The following NFATC1 variants were observed in gnomAD, a reference collection of about 807,000 sequenced individuals.
NFATC1 encodes nuclear factor of activated T-cells, cytoplasmic 1.
In NFATC1, 22 loss-of-function variants were observed where a neutral mutation model predicts 76.0. That is an observed-to-expected ratio of 0.29 (90% CI 0.21 to 0.41). The LOEUF (loss-of-function observed/expected upper bound fraction) is 0.41, where lower values mean the gene tolerates loss of function less well. Ranked by LOEUF, NFATC1 falls within the 10% of genes least tolerant of loss-of-function variation. NFATC1 has a pLI of 1.00. For synonymous variants in NFATC1, 704 were observed against 613.1 expected (o/e 1.15, Z -2.19); for missense variants, 1,357 against 1,337.7 (o/e 1.01, Z -0.23).
Position 79,396,192 on chromosome 18 carries a change from C to A in NFATC1, c.-33C>A. The A allele has an allele frequency of 2.1e-6, 3 of 1,449,050 alleles. 1 individual carries two copies. The South Asian group carries it at 3.9e-5, about 19-fold the overall frequency. 89.8% of individuals were successfully genotyped at this position (1,449,050 alleles called of 1,614,324 possible). ...GGCGGCCGCTTCTCCTGTGCCTCCG[C>A]CCGCCGCTCCACTCCCCGCCGCCGC... On this transcript the variant is annotated 5_prime_UTR_variant, in exon 1 of 10. Coordinates refer to ENST00000427363, the MANE Select transcript of NFATC1 (RefSeq NM_001278669.2).
chr18:79,463,571 T>G (rs976340370), intron 7 of NFATC1, among the ~76,000 whole-genome samples: 16 of 152,264 alleles, frequency 1.1e-4, no homozygotes, highest in African/African-American at 3.9e-4. Flanking sequence ...CGTTTGCAAC[T>G]GCCCAGGGGG....
chr18:79,443,902 TC>T (rs1479595386), intron 3 of NFATC1, among the ~76,000 whole-genome samples: 2 of 152,184 alleles, frequency 1.3e-5, no homozygotes, highest in Non-Finnish European at 2.9e-5. Flanking sequence ...GTACCTGGTG[TC>T]CCTGCCTGCC....
intron 9 of NFATC1, among the ~76,000 whole-genome samples, chr18:79,517,650 C>T (rs1248495066): frequency 6.6e-6 from 1 of 152,210 alleles, no homozygotes; most frequent in Non-Finnish European, 1.5e-5. Context: ...AGGAGCAGTC[C>T]TGCAGGACGT....
At chr18:79,481,625 T>C (rs1395963407) in intron 8 of NFATC1, among the ~76,000 whole-genome samples, 2 of 152,236 alleles carry the variant, frequency 1.3e-5, no homozygotes, top group Non-Finnish European at 2.9e-5. Context: ...TGCCAAGGCC[T>C]GTGCACCTTC....
rs956958740 is a variant in NFATC1 at position 79,438,504 on chromosome 18, C to A, written c.1386+4766C>A. 3.9e-5 allele frequency among the ~76,000 whole-genome samples: 6 copies of A among 152,348 alleles called. No individual in the cohort carries two copies. The East Asian group carries it at 1.2e-3, about 29-fold the overall frequency. On this transcript the variant is annotated intron_variant, in intron 3 of 9. Transcript: ENST00000427363. ...TCTGTTTACCAAGTCACCAAAATAACCTGCCCGATAGCATCTCACCCATCA... is the reference window on the plus strand; with the variant it reads ...TCTGTTTACCAAGTCACCAAAATAAACTGCCCGATAGCATCTCACCCATCA...
At chr18:79,415,712 A>C (rs2085854392) in intron 2 of NFATC1, among the ~76,000 whole-genome samples, 1 of 152,218 alleles carries the variant, frequency 6.6e-6, no homozygotes, top group Non-Finnish European at 1.5e-5. Flanking sequence ...GTTTACTTAG[A>C]GTCCGCTTGG....
chr18:79,396,703 AG>A (rs1257105936), intron 1 of NFATC1, among the ~76,000 whole-genome samples: 1 of 152,140 alleles, frequency 6.6e-6, no homozygotes, highest in East Asian at 1.9e-4. Flanking sequence ...GGAGGGAGGA[AG>A]GGAGGCTTCC....
intron 9 of NFATC1, among the ~76,000 whole-genome samples, chr18:79,514,101 G>A (rs951264494): frequency 2.0e-5 from 3 of 152,118 alleles, no homozygotes; most frequent in Admixed American, 1.3e-4. Flanking sequence ...AGGTGTGGCC[G>A]CAGGGATTGG....
intron 2 of NFATC1, among the ~76,000 whole-genome samples, chr18:79,425,017 C>G (rs997192765): frequency 1.3e-5 from 2 of 151,572 alleles, no homozygotes; most frequent in African/African-American, 4.9e-5. Context: ...GTCTCTCTCT[C>G]TGTCTCCATC....
chr18:79,476,406 T>A (rs1362537706), intron 8 of NFATC1, among the ~76,000 whole-genome samples: 2 of 152,254 alleles, frequency 1.3e-5, no homozygotes, highest in Non-Finnish European at 2.9e-5. Context: ...CCGATGTGTT[T>A]TGGCTTGTGT....
At chr18:79,436,211 A>C (rs1226485888) in intron 3 of NFATC1, among the ~76,000 whole-genome samples, 1 of 152,214 alleles carries the variant, frequency 6.6e-6, no homozygotes, top group Non-Finnish European at 1.5e-5. Flanking sequence ...CCCGCTTTTC[A>C]GAAACGAGGC....
intron 2 of NFATC1, among the ~76,000 whole-genome samples, chr18:79,414,535 G>C (rs971415050): frequency 1.3e-5 from 2 of 152,190 alleles, no homozygotes; most frequent in African/African-American, 4.8e-5. Flanking sequence ...GAACGATACT[G>C]AATTCTTGCT....
chr18:79,460,502 C>G lies in NFATC1; in HGVS notation c.1904-809C>G, dbSNP rs536976081. Among the ~76,000 whole-genome samples, 11 of 152,354 alleles carry G rather than the reference C, an allele frequency of 7.2e-5. No individual in the cohort carries two copies. In the South Asian group the frequency reaches 2.3e-3, roughly 32 times the overall value. The stretch of plus-strand genomic sequence containing the variant: ...CTTGTCCGTGTGCGCCTGGAGCCCC[C>G]ACTCTGCCAGGCCTGGAGCAGAGAG... On this transcript the variant is annotated intron_variant, in intron 6 of 9. Coordinates refer to ENST00000427363, the MANE Select transcript of NFATC1 (RefSeq NM_001278669.2).
chr18:79,449,697 C>T (rs1366868921), intron 4 of NFATC1, among the ~76,000 whole-genome samples: 1 of 152,140 alleles, frequency 6.6e-6, no homozygotes, highest in Non-Finnish European at 1.5e-5. Context: ...CGGCGTCCTG[C>T]GAGGGTGACC....
chr18:79,507,178 C>T (rs545164631), intron 9 of NFATC1, among the ~76,000 whole-genome samples: 3 of 152,392 alleles, frequency 2.0e-5, no homozygotes, highest in East Asian at 3.9e-4. Flanking sequence ...GTCTTCGCCC[C>T]AGACAGGCCC....
At chr18:79,458,398 C>T (rs987232960) in intron 6 of NFATC1, among the ~76,000 whole-genome samples, 2 of 152,166 alleles carry the variant, frequency 1.3e-5, no homozygotes, top group South Asian at 2.1e-4. Flanking sequence ...AGGGACGCTG[C>T]TGCTTCCACC....
At chr18:79,463,006 C>T (rs1365591394) in intron 7 of NFATC1, among the ~76,000 whole-genome samples, 2 of 152,198 alleles carry the variant, frequency 1.3e-5, no homozygotes, top group African/African-American at 2.4e-5. Context: ...GGTGCTGGCA[C>T]CTTCACTCCC....
At chr18:79,464,670 G>GTACGTATATATATACACACATGTA (rs2088348511) in intron 7 of NFATC1, among the ~76,000 whole-genome samples, 4 of 112,678 alleles carry the variant, frequency 3.5e-5, no homozygotes, top group African/African-American at 1.2e-4. Flanking sequence ...GTGTGTGTGT[G>GTACGTATATATATACACACATGTA]TATATGTATG....
intron 2 of NFATC1, among the ~76,000 whole-genome samples, chr18:79,426,452 C>T (rs145168024): frequency 5.9e-5 from 9 of 152,176 alleles, no homozygotes; most frequent in African/African-American, 1.4e-4. Flanking sequence ...TCCACCGCAG[C>T]GTGAGGACAG....
Sources: allele counts gnomAD v4.1 joint callset (sites outside exome capture counted in the v4.1 genomes callset), GRCh38; gene constraint gnomAD v4.1.1; transcripts MANE v1.5; gene names NCBI Gene and HGNC (gene_info 2026-07-23, HGNC 2026-07-21).